The following INSR variants were observed in gnomAD, a reference collection of about 807,000 sequenced individuals.
The protein encoded by INSR is IR.
In INSR, 67 loss-of-function variants were observed where a neutral mutation model predicts 142.6. The ratio of observed to expected loss-of-function variants is 0.47; its 90% CI spans 0.39 to 0.58. The LOEUF (loss-of-function observed/expected upper bound fraction) is 0.58. Among genes scored for constraint, INSR ranks in the 20% least tolerant of loss-of-function variants. The probability of loss-of-function intolerance (pLI) is 0.00; values close to 1 mark genes in which losing one functional copy is unlikely to be tolerated. For missense variants in INSR, 1,248 were observed against 1,833.2 expected, an observed-to-expected ratio of 0.68 and a Z score of 5.83; for synonymous variants, 756 against 743.1, an observed-to-expected ratio of 1.02 and a Z score of -0.28.
At chr19:7,151,442 ATTTT>A (rs35890851) in intron 10 of INSR, among the ~76,000 whole-genome samples, 3 of 142,174 alleles carry the variant, frequency 2.1e-5, no homozygotes, top group African/African-American at 7.7e-5. Flanking sequence ...ATGTCTGGCT[ATTTT>A]TTTTTTTTTT....
At position 7,126,638 on chromosome 19, in the gene INSR, G is replaced by T. The variant is rs773751455; in HGVS notation, c.2959C>A (p.Pro987Thr). ...LFLRKRQPDG[P>T]LGPLYASSNP... Reference sequence around the variant, plus strand: ...GAAGAAGCGTAAAGCGGTCCCAGCGGCCCATCTGGCTGCCTGGAGGAGGAA... The same window carrying T: ...GAAGAAGCGTAAAGCGGTCCCAGCGTCCCATCTGGCTGCCTGGAGGAGGAA... Residue 987 changes from proline (P) to threonine (T), a missense_variant, in exon 16 of 22, where the codon CCG becomes ACG. Pro to Thr is a conservative substitution (Grantham distance 38). Coordinates refer to ENST00000302850, the MANE Select transcript of INSR (RefSeq NM_000208.4). The T allele has an allele frequency of 2.6e-6, 4 of 1,564,860 alleles. No individual in the cohort carries two copies. In the South Asian group the frequency reaches 4.7e-5, roughly 18 times the overall value.
chr19:7,149,914 AAAGAAAG>A (rs1277877455), intron 11 of INSR, among the ~76,000 whole-genome samples: 6 of 122,228 alleles, frequency 4.9e-5, no homozygotes, highest in Non-Finnish European at 7.2e-5. Flanking sequence ...AGAAGGAAAG[AAAGAAAG>A]AAGGAAAAAA....
intron 2 of INSR, among the ~76,000 whole-genome samples, chr19:7,213,989 CA>C (rs532464276): frequency 4.4e-4 from 62 of 140,682 alleles, no homozygotes; most frequent in South Asian, 4.5e-4. Context: ...GACTTTGTCT[CA>C]AAAAAAAAAA....
At chr19:7,132,445 A>T in intron 13 of INSR, 128 bp from the exon 14 acceptor site, 1 of 975,460 alleles carries the variant, frequency 1.0e-6, no homozygotes, top group Non-Finnish European at 1.6e-6. Context: ...AGCACAGACT[A>T]AGACACATAA....
intron 1 of INSR, among the ~76,000 whole-genome samples, chr19:7,270,152 G>A (rs1967869273): frequency 6.6e-6 from 1 of 151,982 alleles, no homozygotes; most frequent in Non-Finnish European, 1.5e-5. Flanking sequence ...ATTTCACCAT[G>A]TTGACCAGGA....
chr19:7,266,867 T>C (rs6510975), intron 2 of INSR, among the ~76,000 whole-genome samples: 81,232 of 151,894 alleles, frequency 0.53, 22,292 homozygotes, highest in African/African-American at 0.62. Context: ...CAAATGTCTA[T>C]TATAAGCAAT....
chr19:7,255,927 T>C (rs1418633470), intron 2 of INSR, among the ~76,000 whole-genome samples: 2 of 151,946 alleles, frequency 1.3e-5, no homozygotes, highest in Non-Finnish European at 2.9e-5. Context: ...AGCACATCTC[T>C]GCCACTCCAA....
intron 2 of INSR, among the ~76,000 whole-genome samples, chr19:7,220,185 T>G (rs952177275): frequency 2.0e-5 from 3 of 152,216 alleles, no homozygotes; most frequent in Non-Finnish European, 4.4e-5. Context: ...TCTGGTTCTA[T>G]CTCCAGGAAT....
intron 2 of INSR, among the ~76,000 whole-genome samples, chr19:7,229,576 T>G (rs1475345536): frequency 6.6e-6 from 1 of 152,108 alleles, no homozygotes; most frequent in East Asian, 1.9e-4. Context: ...CTCCATCAAT[T>G]TATGGACTTC....
chr19:7,222,717 A>G (rs1025245048), intron 2 of INSR, among the ~76,000 whole-genome samples: 2 of 151,730 alleles, frequency 1.3e-5, no homozygotes, highest in Non-Finnish European at 2.9e-5. Context: ...GGCAGTGATT[A>G]TGTCCACTCC....
chr19:7,284,493 A>C (rs1269393138), intron 1 of INSR, among the ~76,000 whole-genome samples: 4 of 152,032 alleles, frequency 2.6e-5, no homozygotes, highest in African/African-American at 4.8e-5. Flanking sequence ...AAATGCTAAA[A>C]ATGTGGCACC....
At chr19:7,170,130 C>A (rs542540030) in intron 6 of INSR, among the ~76,000 whole-genome samples, 2 of 152,114 alleles carry the variant, frequency 1.3e-5, no homozygotes, top group African/African-American at 4.8e-5. Context: ...CACTCCCCAT[C>A]GCTTGCATGA....
At position 7,141,790 on chromosome 19, in the gene INSR, C is replaced by T. The variant is rs370464635; in HGVS notation, c.2569G>A (p.Val857Met). Residue 857 changes from valine (V) to methionine (M), a missense_variant, in exon 13 of 22, where the codon GTG becomes ATG. Around this residue, in one of 3 missense-constraint regions of INSR, gnomAD observed 1,069 missense variants for 1,654.0 expected, o/e 0.65. Coordinates refer to ENST00000302850, the MANE Select transcript of INSR (RefSeq NM_000208.4). ...TTGTTCTCAAAGATTTCATGCGTCA[C>T]AGGGCCAACAATGTCATCAGCCTTG... ...EAKADDIVGP[V>M]THEIFENNVV... 4 of 1,614,172 alleles carry T rather than the reference C, an allele frequency of 2.5e-6. No homozygotes were observed. Among genetic ancestry groups the T allele is most frequent in the Non-Finnish European group, 3.4e-6 (4 of 1,180,014 alleles).
chr19:7,152,980 T>C (rs1021473971), intron 9 of INSR, 53 bp from the exon 10 acceptor site: 152 of 1,005,754 alleles, frequency 1.5e-4, no homozygotes, highest in Non-Finnish European at 2.0e-4. Context: ...TGAACACACA[T>C]ACACACACAC....
intron 2 of INSR, among the ~76,000 whole-genome samples, chr19:7,256,854 T>A (rs933785814): frequency 1.3e-5 from 2 of 151,972 alleles, no homozygotes; most frequent in African/African-American, 4.8e-5. Context: ...TTTAAAGATC[T>A]TTGACAACAT....
intron 16 of INSR, among the ~76,000 whole-genome samples, chr19:7,126,244 T>G (rs550008171): frequency 2.3e-4 from 35 of 152,182 alleles, no homozygotes; most frequent in African/African-American, 7.9e-4. Context: ...CATCTAAGAC[T>G]ACCGAGTGCT....
In INSR at chr19:7,216,959, G is replaced by A. The variant is rs1975452621; in HGVS notation, c.653-32322C>T. 6.6e-6 allele frequency among the ~76,000 whole-genome samples: 1 copy of A among 151,084 alleles called. No individual in the cohort carries two copies. The highest frequency in any genetic ancestry group is 2.4e-5 in the African/African-American group (1 of 41,114). On this transcript the variant is annotated intron_variant, in intron 2 of 21. Transcript: ENST00000302850. The surrounding 1 kb of genome is among the most constrained non-coding windows in gnomAD (Gnocchi z 4.2). ...CCCAAGTAGCTGGGAATATAGATGT[G>A]TGCCACCAAGCCCAGCTAATTTTTC...
chr19:7,112,363 G>A lies in INSR; in HGVS notation c.*4693C>T, dbSNP rs1408616696. ...AAAAAAAAGGCGTCTTCTGTACATG[G>A]TGCTACTTGGCTCTTGTAGGAAAAC... On this transcript the variant is annotated 3_prime_UTR_variant, in exon 22 of 22. Coordinates refer to ENST00000302850, the MANE Select transcript of INSR (RefSeq NM_000208.4). 1 of 152,096 alleles carries A rather than the reference G, an allele frequency of 6.6e-6. No individual in the cohort carries two copies. The highest frequency in any genetic ancestry group is 1.5e-5 in the Non-Finnish European group (1 of 68,020). The allele number at this position is 152,096 out of a possible 1,614,324, so 9.4% of individuals were successfully genotyped here. A position where few individuals can be genotyped will look rare whatever the true frequency, so the allele number is the denominator to read the frequency against.
At chr19:7,292,470 T>TGGGGGGGGGGGGGGGGG (rs755617421) in intron 1 of INSR, among the ~76,000 whole-genome samples, 1 of 100,778 alleles carries the variant, frequency 9.9e-6, no homozygotes, top group Non-Finnish European at 2.1e-5. Context: ...GGGGCGGGGC[T>TGGGGGGGGGGGGGGGGG]GGGGGGGGGT....
Sources: allele counts gnomAD v4.1 joint callset (sites outside exome capture counted in the v4.1 genomes callset), GRCh38; gene constraint gnomAD v4.1.1; regional missense constraint gnomAD v4.1.1; non-coding constraint Gnocchi (gnomAD v3.1); transcripts MANE v1.5; gene names NCBI Gene and HGNC (gene_info 2026-07-23, HGNC 2026-07-21).